The following GINS1 variants were observed in gnomAD, a reference collection of about 807,000 sequenced individuals.
GINS1 encodes the protein GINS complex subunit 1.
In GINS1, 26 loss-of-function variants were observed where a neutral mutation model predicts 34.9. The observed-to-expected ratio is 0.74, with a 90% CI of 0.55 to 1.03. GINS1 has a LOEUF of 1.03. Ranked by LOEUF, GINS1 falls within the 50% of genes least tolerant of loss-of-function variation. The probability of loss-of-function intolerance (pLI) is 0.00; values close to 1 mark genes in which losing one functional copy is unlikely to be tolerated. For missense variants in GINS1, 235 were observed against 237.9 expected (o/e 0.99, Z 0.08); for synonymous variants, 97 against 84.4 (o/e 1.15, Z -0.82).
At chr20:25,418,600 G>T (rs6115175) in intron 4 of GINS1, among the ~76,000 whole-genome samples, 1 of 152,172 alleles carries the variant, frequency 6.6e-6, no homozygotes, top group Non-Finnish European at 1.5e-5. Flanking sequence ...GGTGGGCTTA[G>T]GTTCAAATCT....
intron 5 of GINS1, among the ~76,000 whole-genome samples, chr20:25,441,135 G>T (rs1289470562): frequency 6.6e-6 from 1 of 152,138 alleles, no homozygotes; most frequent in Non-Finnish European, 1.5e-5. Context: ...ACCTGTACCT[G>T]GGAACACCTT....
chr20:25,432,953 G>A (rs953427661), intron 5 of GINS1, among the ~76,000 whole-genome samples: 5 of 150,420 alleles, frequency 3.3e-5, no homozygotes, highest in Admixed American at 3.3e-4. Flanking sequence ...TAAATTTAAA[G>A]TCCATTATAG....
chr20:25,425,065 T>C, intron 4 of GINS1, 146 bp from the exon 5 acceptor site: 1 of 526,674 alleles, frequency 1.9e-6, no homozygotes, highest in South Asian at 3.1e-5. Context: ...GCCTATATCA[T>C]AGGAGGCAAT....
chr20:25,409,146 G>T (rs1000890645), intron 1 of GINS1: 7 of 406,412 alleles, frequency 1.7e-5, no homozygotes, highest in Middle Eastern at 1.2e-3. Flanking sequence ...TGACCAATAG[G>T]GCCTGTGGGG....
intron 2 of GINS1, among the ~76,000 whole-genome samples, chr20:25,416,151 T>C (rs979847565): frequency 6.6e-6 from 1 of 151,780 alleles, no homozygotes; most frequent in Non-Finnish European, 1.5e-5. Context: ...GGCTGAGAGG[T>C]GGGGGAAGCT....
At position 25,447,914 on chromosome 20, in the gene GINS1, T is replaced by G. The variant is rs2090521572; in HGVS notation, c.*1923T>G. ...GGGAGGCCTAGATGGGTGGATCACT[T>G]GAGCTCAGGAGTTCCAGACCAGCCC... On this transcript the variant is annotated 3_prime_UTR_variant, in exon 7 of 7. Coordinates refer to ENST00000262460, the MANE Select transcript of GINS1 (RefSeq NM_021067.5). 6.6e-6 allele frequency: 1 copy of G among 152,274 alleles called. No individual in the cohort carries two copies. The highest frequency in any genetic ancestry group is 2.1e-4 in the South Asian group (1 of 4,836). 9.4% of individuals were successfully genotyped at this position (152,274 alleles called of 1,614,324 possible).
intron 5 of GINS1, among the ~76,000 whole-genome samples, chr20:25,434,287 C>T (rs112725507): frequency 0.022 from 3,317 of 151,592 alleles, 112 homozygotes; most frequent in African/African-American, 0.075. Flanking sequence ...CACACCTCCC[C>T]GCTGCCCAGA....
At chr20:25,432,640 T>C (rs1355866109) in intron 5 of GINS1, among the ~76,000 whole-genome samples, 1 of 151,958 alleles carries the variant, frequency 6.6e-6, no homozygotes, top group East Asian at 1.9e-4. Context: ...CTAATTTTTG[T>C]ATTTTTAGTA....
chr20:25,412,953 G>A (rs1022022767), intron 1 of GINS1, among the ~76,000 whole-genome samples: 1 of 152,118 alleles, frequency 6.6e-6, no homozygotes, highest in African/African-American at 2.4e-5. Context: ...TCCTGTGAAG[G>A]GCCAGAGGGA....
chr20:25,443,476 CTTTTTT>C (rs11482627), intron 6 of GINS1, among the ~76,000 whole-genome samples: 1 of 124,726 alleles, frequency 8.0e-6, no homozygotes, highest in Non-Finnish European at 1.6e-5. Context: ...GGTTGAATTT[CTTTTTT>C]TTTTTTTTTT....
intron 5 of GINS1, among the ~76,000 whole-genome samples, chr20:25,438,090 G>A (rs2090463283): frequency 7.0e-6 from 1 of 143,680 alleles, no homozygotes; most frequent in Admixed American, 7.3e-5. Flanking sequence ...TTGCACTCCA[G>A]CCTGGGCAAC....
intron 4 of GINS1, chr20:25,419,688 A>G: frequency 2.0e-6 from 1 of 496,236 alleles, no homozygotes; most frequent in Non-Finnish European, 3.2e-6. Context: ...TTTGAGATGG[A>G]ATCTCGCTCT....
rs779536988 is a variant in GINS1 at position 25,418,089 on chromosome 20, C to T, written c.240-16C>T. On this transcript the variant is annotated splice_polypyrimidine_tract_variant and intron_variant, in intron 3 of 6. Coordinates refer to ENST00000262460, the MANE Select transcript of GINS1 (RefSeq NM_021067.5). ...CGTTTATTCTTATGCCACCCAATAC[C>T]TTCTTGATGTCCTAGGTATGACCGC... The T allele has an allele frequency of 2.8e-6, 4 of 1,454,466 alleles. No individual in the cohort carries two copies. The highest frequency in any genetic ancestry group is 1.1e-5 in the South Asian group (1 of 88,084). 90.1% of individuals were successfully genotyped at this position (1,454,466 alleles called of 1,614,324 possible). A position where few individuals can be genotyped will look rare whatever the true frequency, so the allele number is the denominator to read the frequency against.
At position 25,441,777 on chromosome 20, in the gene GINS1, G is replaced by GT; in HGVS notation, c.522+2dup. The stretch of plus-strand genomic sequence containing the variant: ...AGTCCTATTAAAAAAAAATAGCCAG[G>GT]TATTTCTTATCTTCAGATTCTTTAC... On this transcript the variant is annotated splice_donor_variant, in intron 6 of 6. Transcript: ENST00000262460. LOFTEE classifies it high-confidence loss of function. 2 of 1,437,318 alleles carry GT rather than the reference G, an allele frequency of 1.4e-6. No homozygotes were observed. The highest frequency in any genetic ancestry group is 1.9e-6 in the Non-Finnish European group (2 of 1,030,324). 89.0% of individuals were successfully genotyped at this position (1,437,318 alleles called of 1,614,324 possible). A position where few individuals can be genotyped will look rare whatever the true frequency, so the allele number is the denominator to read the frequency against.
chr20:25,435,724 C>A (rs2090450376), intron 5 of GINS1, among the ~76,000 whole-genome samples: 1 of 143,246 alleles, frequency 7.0e-6, no homozygotes, highest in Non-Finnish European at 1.5e-5. Context: ...GAGATCACAC[C>A]ACTGCACTCC....
At chr20:25,409,787 T>C (rs2082311429) in intron 1 of GINS1, among the ~76,000 whole-genome samples, 2 of 152,158 alleles carry the variant, frequency 1.3e-5, no homozygotes, top group Admixed American at 1.3e-4. Context: ...ATTTAAAAAG[T>C]TAGGCAGCAG....
At position 25,448,514 on chromosome 20, in the gene GINS1, T is replaced by TCAA. The variant is rs1228126337; in HGVS notation, c.*2526_*2528dup. ...TCTCATGGTGTTTTTGTAAATTACA[T>TCAA]CAACAGTCATGTGTTCTATGAATAA... On this transcript the variant is annotated 3_prime_UTR_variant, in exon 7 of 7. Transcript: ENST00000262460. 1 of 152,240 alleles carries TCAA rather than the reference T, an allele frequency of 6.6e-6. No homozygotes were observed. The highest frequency in any genetic ancestry group is 2.4e-5 in the African/African-American group (1 of 41,466). The allele number at this position is 152,240 out of a possible 1,614,324, so 9.4% of individuals were successfully genotyped here. A position where few individuals can be genotyped will look rare whatever the true frequency, so the allele number is the denominator to read the frequency against.
rs1237079192 is a variant in GINS1, at chr20:25,407,755, G to GC, written c.-63dup. 7 of 1,228,922 alleles carry GC rather than the reference G, an allele frequency of 5.7e-6. No individual in the cohort carries two copies. The highest frequency in any genetic ancestry group is 8.4e-6 in the Non-Finnish European group (7 of 833,256). The allele number at this position is 1,228,922 out of a possible 1,614,324, so 76.1% of individuals were successfully genotyped here. A position where few individuals can be genotyped will look rare whatever the true frequency, so the allele number is the denominator to read the frequency against. ...GAACGAAAGGAGTGAGGCGCCGAGAGCCCAGATACCATTTTGGCGTGAGAG... is the reference window on the plus strand; with the variant it reads ...GAACGAAAGGAGTGAGGCGCCGAGAGCCCCAGATACCATTTTGGCGTGAGAG... On this transcript the variant is annotated 5_prime_UTR_variant, in exon 1 of 7. Transcript: ENST00000262460.
intron 1 of GINS1, among the ~76,000 whole-genome samples, chr20:25,409,280 C>T (rs889827676): frequency 2.0e-5 from 3 of 152,116 alleles, no homozygotes; most frequent in Non-Finnish European, 4.4e-5. Flanking sequence ...AAGGTAACTG[C>T]GGCAGCAATA....
Sources: allele counts gnomAD v4.1 joint callset (sites outside exome capture counted in the v4.1 genomes callset), GRCh38; gene constraint gnomAD v4.1.1; transcripts MANE v1.5; gene names NCBI Gene and HGNC (gene_info 2026-07-23, HGNC 2026-07-21).